The following DSTYK variants were observed in gnomAD, a reference collection of about 807,000 sequenced individuals.
DSTYK encodes RIP-homologous kinase.
Under a neutral mutation model 98.7 loss-of-function variants are expected in DSTYK, and 34 were observed. The ratio of observed to expected loss-of-function variants is 0.34; its 90% CI spans 0.26 to 0.46. The LOEUF is 0.46. Among genes scored for constraint, DSTYK ranks in the 20% least tolerant of loss-of-function variants. The probability of loss-of-function intolerance (pLI) is 1.00; values close to 1 mark genes in which losing one functional copy is unlikely to be tolerated. For missense variants in DSTYK, 962 were observed against 1,181.7 expected (o/e 0.81, Z 2.73); for synonymous variants, 462 against 457.3 (o/e 1.01, Z -0.13).
At chr1:205,202,562 T>A (rs534957373) in intron 1 of DSTYK, 2 of 961,064 alleles carry the variant, frequency 2.1e-6, no homozygotes, top group East Asian at 4.8e-5. Flanking sequence ...GCACCTAAGA[T>A]GCGCCGCTGG....
At chr1:205,171,190 A>T (rs1658052915) in intron 2 of DSTYK, among the ~76,000 whole-genome samples, 1 of 152,064 alleles carries the variant, frequency 6.6e-6, no homozygotes. Context: ...AGTGGCTCAC[A>T]CCTGTAATCC....
chr1:205,165,894 C>T (rs191531981), intron 3 of DSTYK, among the ~76,000 whole-genome samples: 79 of 152,120 alleles, frequency 5.2e-4, no homozygotes, highest in Middle Eastern at 3.4e-3. Context: ...TGATGGTGCA[C>T]ACCTTTAGAC....
At chr1:205,203,587 A>AGGGGG (rs1659113426) in intron 1 of DSTYK, among the ~76,000 whole-genome samples, 2 of 55,192 alleles carry the variant, frequency 3.6e-5, no homozygotes, top group Non-Finnish European at 3.2e-5. Context: ...AGGGGAGGGG[A>AGGGGG]AGGGAGGGGG....
chr1:205,190,249 G>T (rs758376175), intron 1 of DSTYK, among the ~76,000 whole-genome samples: 12 of 152,108 alleles, frequency 7.9e-5, no homozygotes, highest in Non-Finnish European at 1.3e-4. Flanking sequence ...AACCCACTGA[G>T]TACTTTGAAA....
At chr1:205,202,994 T>C (rs1427241077) in intron 1 of DSTYK, among the ~76,000 whole-genome samples, 1 of 151,880 alleles carries the variant, frequency 6.6e-6, no homozygotes, top group Non-Finnish European at 1.5e-5. Context: ...AACAGAAGCA[T>C]GGAGAAAGAA....
At chr1:205,172,587 T>C (rs1170608113) in intron 2 of DSTYK, among the ~76,000 whole-genome samples, 2 of 151,984 alleles carry the variant, frequency 1.3e-5, no homozygotes, top group African/African-American at 4.8e-5. Flanking sequence ...AGTGCTGAGA[T>C]TACAGGTGTG....
chr1:205,181,593 G>A (rs1658397402), intron 2 of DSTYK, among the ~76,000 whole-genome samples: 2 of 151,650 alleles, frequency 1.3e-5, no homozygotes, highest in South Asian at 2.1e-4. Flanking sequence ...GACCTCAGGC[G>A]ATCAGCCCAC....
chr1:205,161,443 C>T, intron 6 of DSTYK, 56 bp from the exon 7 acceptor site: 2 of 1,571,590 alleles, frequency 1.3e-6, no homozygotes, highest in Non-Finnish European at 1.7e-6. Flanking sequence ...TCAGCTTCCT[C>T]ACCTGTTATA....
intron 5 of DSTYK, 89 bp from the exon 6 acceptor site, chr1:205,162,301 A>C: frequency 1.4e-6 from 2 of 1,464,220 alleles, no homozygotes; most frequent in South Asian, 1.3e-5. Context: ...TGGGTTACCC[A>C]TTCATTAAGA....
At position 205,161,914 on chromosome 1, in the gene DSTYK, ATATG is replaced by A. The variant is rs1459006760; in HGVS notation, c.1818+118_1818+121del. The A allele has an allele frequency of 3.9e-6, 3 of 763,612 alleles. No individual in the cohort carries two copies. The East Asian group carries it at 8.6e-5, about 22-fold the overall frequency. The allele number at this position is 763,612 out of a possible 1,614,324, so 47.3% of individuals were successfully genotyped here. On this transcript the variant is annotated intron_variant, in intron 6 of 12. Transcript: ENST00000367162. The stretch of plus-strand genomic sequence containing the variant: ...TGTGTGTGTATATATATGTGTATAT[ATATG>A]TATACACACACAGACACACACACAT...
Position 205,211,648 on chromosome 1 carries a change from C to T in DSTYK, c.-113G>A. 1 of 1,359,928 alleles carries T rather than the reference C, an allele frequency of 7.4e-7. No individual in the cohort carries two copies. Among genetic ancestry groups the T allele is most frequent in the South Asian group, 1.6e-5 (1 of 62,784 alleles). The allele number at this position is 1,359,928 out of a possible 1,614,324, so 84.2% of individuals were successfully genotyped here. On this transcript the variant is annotated 5_prime_UTR_variant, in exon 1 of 13. Coordinates refer to ENST00000367162, the MANE Select transcript of DSTYK (RefSeq NM_015375.3). Reference sequence around the variant, plus strand: ...GGAATCCGCCTCCTGACGCCCCCGCCTGCAGTCAGCCTGGCTCCCAACCTC... The same window carrying T: ...GGAATCCGCCTCCTGACGCCCCCGCTTGCAGTCAGCCTGGCTCCCAACCTC...
chr1:205,172,524 C>T (rs554679102), intron 2 of DSTYK, among the ~76,000 whole-genome samples: 13 of 150,778 alleles, frequency 8.6e-5, no homozygotes, highest in African/African-American at 3.2e-4. Context: ...GCCATGTTGC[C>T]CAGGTTGGTC....
intron 2 of DSTYK, among the ~76,000 whole-genome samples, chr1:205,174,699 A>C (rs1658174546): frequency 6.7e-6 from 1 of 150,258 alleles, no homozygotes; most frequent in African/African-American, 2.4e-5. Flanking sequence ...AAATTACTTA[A>C]TTAATTAATT....
chr1:205,162,901 T>C (rs373871940), intron 5 of DSTYK, 22 bp downstream of exon 5: 280 of 1,585,460 alleles, frequency 1.8e-4, no homozygotes, highest in Non-Finnish European at 2.4e-4. Context: ...TTTGAAATCT[T>C]TCTCTAAGTA....
chr1:205,211,488 G>A lies in DSTYK; in HGVS notation c.48C>T (p.Pro16=), dbSNP rs1228943400. The stretch of plus-strand genomic sequence containing the variant: ...GGATCATTCCGCCGCCGCCGGGGCC[G>A]GGACCCGAGACGGGCTCGCTGCCCC... The part of the protein sequence containing the change: ...VPWGSEPVSG[P]GPGGGGMIRE... Residue 16 remains proline (P), a synonymous_variant, in exon 1 of 13, where the codon CCC becomes CCT. Transcript: ENST00000367162. The A allele has an allele frequency of 1.3e-6, 2 of 1,582,240 alleles. No homozygotes were observed. The highest frequency in any genetic ancestry group is 1.7e-6 in the Non-Finnish European group (2 of 1,168,760).
chr1:205,148,417 A>T, intron 11 of DSTYK, 78 bp from the exon 12 acceptor site: 7 of 1,573,694 alleles, frequency 4.4e-6, no homozygotes, highest in Non-Finnish European at 6.0e-6. Context: ...GCCTCAGTAG[A>T]GGGTTGGCTT....
intron 4 of DSTYK, among the ~76,000 whole-genome samples, chr1:205,163,425 G>A (rs2102403677): frequency 6.6e-6 from 1 of 152,032 alleles, no homozygotes; most frequent in South Asian, 2.1e-4. Flanking sequence ...CTCCATGTTG[G>A]TCAGGCTGGT....
intron 2 of DSTYK, among the ~76,000 whole-genome samples, chr1:205,185,746 A>T (rs187339722): frequency 2.0e-5 from 3 of 152,292 alleles, no homozygotes; most frequent in Admixed American, 2.0e-4. Context: ...AAAAGTAGCC[A>T]GGCGTGGTGG....
At chr1:205,165,963 A>G (rs1304865584) in intron 3 of DSTYK, among the ~76,000 whole-genome samples, 1 of 152,066 alleles carries the variant, frequency 6.6e-6, no homozygotes, top group Non-Finnish European at 1.5e-5. Flanking sequence ...CGGAGGTTGT[A>G]GTGAGACTAG....
Sources: gnomAD v4.1 joint callset for allele counts (sites outside exome capture counted in the v4.1 genomes callset) on GRCh38, gnomAD v4.1.1 for gene constraint, MANE v1.5 for transcripts, NCBI Gene and HGNC (gene_info 2026-07-23, HGNC 2026-07-21) for gene names.